The following ZZEF1 variants were observed in gnomAD, a reference collection of about 807,000 sequenced individuals.
ZZEF1 encodes zinc finger ZZ-type and EF-hand domain containing 1.
In ZZEF1, 157 loss-of-function variants were observed where a neutral mutation model predicts 342.8. The ratio of observed to expected loss-of-function variants is 0.46; its 90% CI spans 0.40 to 0.52. The LOEUF is 0.52. ZZEF1 is among the 20% of genes least tolerant of loss of function. The probability of loss-of-function intolerance (pLI) is 0.00; values close to 1 mark genes in which losing one functional copy is unlikely to be tolerated. For synonymous variants in ZZEF1, 1,505 were observed against 1,429.1 expected, an observed-to-expected ratio of 1.05 and a Z score of -1.20; for missense variants, 3,480 against 3,725.6, an observed-to-expected ratio of 0.93 and a Z score of 1.72.
chr17:4,087,307 A>G (rs1479533770), intron 14 of ZZEF1, 127 bp downstream of exon 14: 3 of 660,068 alleles, frequency 4.5e-6, no homozygotes, highest in Admixed American at 3.3e-5. Context: ...ATAACCATAT[A>G]TTTTAAATCG....
intron 5 of ZZEF1, among the ~76,000 whole-genome samples, chr17:4,111,166 G>GA (rs2058290845): frequency 6.6e-6 from 1 of 151,862 alleles, no homozygotes; most frequent in African/African-American, 2.4e-5. Flanking sequence ...TATTTTTTAG[G>GA]AAAAAAGGTG....
chr17:4,050,561 A>T (rs2057022327), intron 36 of ZZEF1, among the ~76,000 whole-genome samples: 1 of 152,226 alleles, frequency 6.6e-6, no homozygotes, highest in South Asian at 2.1e-4. Context: ...TTGAGGTATT[A>T]ATATTAGTTT....
chr17:4,075,674 T>C (rs2057598287), intron 21 of ZZEF1, among the ~76,000 whole-genome samples: 1 of 152,160 alleles, frequency 6.6e-6, no homozygotes, highest in Admixed American at 6.5e-5. Context: ...TTGTACCTTT[T>C]CGCTATGACA....
chr17:4,050,110 A>G (rs573544582), intron 36 of ZZEF1, among the ~76,000 whole-genome samples: 122 of 152,366 alleles, frequency 8.0e-4, no homozygotes, highest in South Asian at 2.7e-3. Context: ...GATAAAACAT[A>G]TAACAGGATT....
intron 16 of ZZEF1, among the ~76,000 whole-genome samples, chr17:4,083,516 CTT>C (rs1429465253): frequency 6.6e-6 from 1 of 152,208 alleles, no homozygotes; most frequent in Non-Finnish European, 1.5e-5. Flanking sequence ...TCCTCAATCA[CTT>C]AGCCTCAACA....
At chr17:4,114,086 C>T (rs2058356445) in intron 4 of ZZEF1, among the ~76,000 whole-genome samples, 1 of 152,082 alleles carries the variant, frequency 6.6e-6, no homozygotes, top group Non-Finnish European at 1.5e-5. Context: ...GAAATCAGTA[C>T]TAATCTAAAA....
intron 37 of ZZEF1, among the ~76,000 whole-genome samples, chr17:4,045,168 A>AT (rs879809530): frequency 3.2e-4 from 38 of 119,174 alleles, no homozygotes; most frequent in Non-Finnish European, 6.1e-4. Flanking sequence ...AAAAAATAAG[A>AT]TAGTAACCAT....
At chr17:4,066,668 GGTTT>G in intron 27 of ZZEF1, 128 bp from the exon 28 acceptor site, 1 of 780,106 alleles carries the variant, frequency 1.3e-6, no homozygotes, top group Non-Finnish European at 2.1e-6. Flanking sequence ...CATTTAGAGG[GGTTT>G]GTAATACTCA....
chr17:4,061,103 C>T (rs1354365619), intron 30 of ZZEF1, among the ~76,000 whole-genome samples: 4 of 152,242 alleles, frequency 2.6e-5, no homozygotes, highest in African/African-American at 7.2e-5. Flanking sequence ...CCCTCATTCT[C>T]GCTGGCCTTT....
At chr17:4,084,606 G>C (rs1240848148) in intron 16 of ZZEF1, among the ~76,000 whole-genome samples, 1 of 152,044 alleles carries the variant, frequency 6.6e-6, no homozygotes, top group African/African-American at 2.4e-5. Context: ...GAGAGAAAAA[G>C]TTTTGTTTTG....
At chr17:4,093,541 G>C (rs2057983038) in intron 11 of ZZEF1, among the ~76,000 whole-genome samples, 1 of 152,198 alleles carries the variant, frequency 6.6e-6, no homozygotes, top group African/African-American at 2.4e-5. Flanking sequence ...AATTATTCTA[G>C]ATCCTTACGA....
intron 54 of ZZEF1, among the ~76,000 whole-genome samples, chr17:4,007,956 G>A (rs185894824): frequency 5.3e-4 from 80 of 151,998 alleles, no homozygotes; most frequent in Middle Eastern, 3.4e-3. Context: ...GCTGTCCTCC[G>A]GGGGGGTGGG....
rs370653337 is a variant in ZZEF1 at position 4,049,699 on chromosome 17, G to A, written c.6015+9C>T. 2.6e-5 allele frequency: 42 copies of A among 1,613,738 alleles called. 1 individual carries two copies. Among genetic ancestry groups the A allele is most frequent in the African/African-American group, 4.0e-5 (3 of 74,878 alleles). The stretch of plus-strand genomic sequence containing the variant: ...CTGTGATTCTGTGTAGTAAAGAATC[G>A]TCATTTACATTGCCTGCTTCTGACA... On this transcript the variant is annotated intron_variant, in intron 37 of 54. Transcript: ENST00000381638.
intron 4 of ZZEF1, 139 bp downstream of exon 4, chr17:4,114,160 C>T (rs1473597594): frequency 1.1e-5 from 6 of 566,750 alleles, no homozygotes; most frequent in Non-Finnish European, 1.4e-5. Context: ...ATATATAAGC[C>T]AGGTTACATG....
rs1295929232 is a variant in ZZEF1 at position 4,006,605 on chromosome 17, G to A, written c.*285C>T. ...CAGGCCCACGGCTCCTGCAGTGACA[G>A]CCTCTGGAGAAGGCTGGTCTCTGAA... On this transcript the variant is annotated 3_prime_UTR_variant, in exon 55 of 55. Transcript: ENST00000381638. 1.5e-5 allele frequency: 7 copies of A among 454,842 alleles called. No homozygotes were observed. Among genetic ancestry groups the A allele is most frequent in the African/African-American group, 1.0e-4 (5 of 49,332 alleles). 28.2% of individuals were successfully genotyped at this position (454,842 alleles called of 1,614,324 possible). A position where few individuals can be genotyped will look rare whatever the true frequency, so the allele number is the denominator to read the frequency against.
chr17:4,092,573 C>T (rs185312855), intron 11 of ZZEF1, among the ~76,000 whole-genome samples: 26 of 152,130 alleles, frequency 1.7e-4, no homozygotes, highest in Non-Finnish European at 2.6e-4. Context: ...TTCCAAAGTG[C>T]GCTAGGATTA....
chr17:4,056,562 G>A (rs916504642), intron 32 of ZZEF1, among the ~76,000 whole-genome samples: 6 of 152,172 alleles, frequency 3.9e-5, no homozygotes, highest in Admixed American at 1.3e-4. Context: ...TAGACTATAA[G>A]GGATGAGAAA....
At chr17:4,124,514 G>A (rs1052590429) in intron 1 of ZZEF1, among the ~76,000 whole-genome samples, 10 of 152,002 alleles carry the variant, frequency 6.6e-5, no homozygotes, top group Non-Finnish European at 1.3e-4. Flanking sequence ...GCGACCTCAG[G>A]TCAGTGCAAC....
At position 4,117,000 on chromosome 17, in the gene ZZEF1, A is replaced by G; in HGVS notation, c.666T>C (p.Ser222=). ...CTMRSSVLKE[S]LDQLVQKEKE... ...TTTCCTTTTGTACCAGCTGATCCAGAGACTCCTTCAGGACGGAAGACCGCA... is the reference window on the plus strand; with the variant it reads ...TTTCCTTTTGTACCAGCTGATCCAGGGACTCCTTCAGGACGGAAGACCGCA... The change falls in exon 3 of 55, where the codon TCT becomes TCC. Residue 222 remains serine (S), a synonymous_variant. Coordinates refer to ENST00000381638, the MANE Select transcript of ZZEF1 (RefSeq NM_015113.4). 6.2e-7 allele frequency: 1 copy of G among 1,611,806 alleles called. No homozygotes were observed. The highest frequency in any genetic ancestry group is 8.5e-7 in the Non-Finnish European group (1 of 1,178,438).
Sources: gnomAD v4.1 joint callset for allele counts (sites outside exome capture counted in the v4.1 genomes callset) on GRCh38, gnomAD v4.1.1 for gene constraint, MANE v1.5 for transcripts, NCBI Gene and HGNC (gene_info 2026-07-23, HGNC 2026-07-21) for gene names.